Variants in SND1 observed in about 807,000 individuals in gnomAD.
The protein encoded by SND1 is staphylococcal nuclease domain-containing protein 1.
Under a neutral mutation model 121.7 loss-of-function variants are expected in SND1, and 38 were observed. The observed-to-expected ratio is 0.31, with a 90% CI of 0.24 to 0.41. The LOEUF (loss-of-function observed/expected upper bound fraction) is 0.41, where lower values mean the gene tolerates loss of function less well. Ranked by LOEUF, SND1 falls within the 10% of genes least tolerant of loss-of-function variation. SND1 has a pLI of 1.00. For missense variants in SND1, 868 were observed against 1,184.6 expected, an observed-to-expected ratio of 0.73 and a Z score of 3.92; for synonymous variants, 401 against 447.4, an observed-to-expected ratio of 0.90 and a Z score of 1.31.
chr7:128,028,954 C>T (rs1244549875), intron 16 of SND1: 2 of 1,608,020 alleles, frequency 1.2e-6, no homozygotes, highest in South Asian at 1.1e-5. Context: ...ACAGTCCGGG[C>T]GGCTGTGACT....
At chr7:127,732,826 C>T (rs1352952595) in intron 10 of SND1, among the ~76,000 whole-genome samples, 4 of 152,188 alleles carry the variant, frequency 2.6e-5, no homozygotes, top group Admixed American at 2.0e-4. Flanking sequence ...CAAGAAGACA[C>T]CTCACTGATC....
At position 127,709,424 on chromosome 7, in the gene SND1, A is replaced by T. The variant is rs114379342; in HGVS notation, c.1038+1777A>T. 5.8e-3 allele frequency among the ~76,000 whole-genome samples: 882 copies of T among 152,274 alleles called. 12 individuals carry two copies. The highest frequency in any genetic ancestry group is 0.02 in the African/African-American group (840 of 41,554). ...GATCTTAGTACCCTGTCGTGTTCCT[A>T]CCAGCCTGTCCTCTATTAAAACTGA... On this transcript the variant is annotated intron_variant, in intron 9 of 23. Coordinates refer to ENST00000354725, the MANE Select transcript of SND1 (RefSeq NM_014390.4).
chr7:127,859,588 A>G (rs1306606084), intron 12 of SND1, among the ~76,000 whole-genome samples: 1 of 152,160 alleles, frequency 6.6e-6, no homozygotes, highest in Non-Finnish European at 1.5e-5. Flanking sequence ...TTGGCCCTTG[A>G]TTTCTTGAGG....
At chr7:127,788,843 G>A (rs941250687) in intron 10 of SND1, among the ~76,000 whole-genome samples, 4 of 152,162 alleles carry the variant, frequency 2.6e-5, no homozygotes, top group Admixed American at 6.5e-5. Flanking sequence ...GCACATGTCC[G>A]TAGCCAGTGG....
At chr7:128,010,694 C>T (rs1003026209) in intron 16 of SND1, among the ~76,000 whole-genome samples, 4 of 152,224 alleles carry the variant, frequency 2.6e-5, no homozygotes, top group African/African-American at 4.8e-5. Context: ...TCAGAGATGC[C>T]GTAAGAAGGC....
chr7:128,009,132 G>C (rs1803053400), intron 16 of SND1, among the ~76,000 whole-genome samples: 1 of 152,174 alleles, frequency 6.6e-6, no homozygotes, highest in Non-Finnish European at 1.5e-5. Flanking sequence ...CCCCTGGTGA[G>C]GGGCTTGGAA....
intron 17 of SND1, among the ~76,000 whole-genome samples, chr7:128,079,328 C>A (rs1355724216): frequency 6.6e-6 from 1 of 152,258 alleles, no homozygotes; most frequent in African/African-American, 2.4e-5. Flanking sequence ...GGATTAGGGC[C>A]TCTGTCCTGA....
intron 10 of SND1, among the ~76,000 whole-genome samples, chr7:127,750,564 T>G (rs1172040016): frequency 6.6e-6 from 1 of 152,230 alleles, no homozygotes; most frequent in African/African-American, 2.4e-5. Flanking sequence ...TGAGTATTCC[T>G]TATCTGAAAT....
intron 15 of SND1, among the ~76,000 whole-genome samples, chr7:127,975,332 GGCGCGCGCGCATGT>G (rs923231026): frequency 4.6e-5 from 7 of 152,006 alleles, no homozygotes; most frequent in Non-Finnish European, 7.4e-5. Flanking sequence ...TGTATGTGTG[GGCGCGCGCGCATGT>G]GCGCACGCGC....
At chr7:127,973,232 C>G (rs1157423873) in intron 15 of SND1, among the ~76,000 whole-genome samples, 3 of 152,130 alleles carry the variant, frequency 2.0e-5, no homozygotes, top group African/African-American at 7.2e-5. Flanking sequence ...GTTTTGACAA[C>G]TTGGATGTTA....
intron 11 of SND1, among the ~76,000 whole-genome samples, chr7:127,833,024 CCCTGGTGCCAAAAGGG>C (rs1798791937): frequency 6.6e-6 from 1 of 152,124 alleles, no homozygotes; most frequent in Non-Finnish European, 1.5e-5. Context: ...CAAAATCGGT[CCCTGGTGCCAAAAGGG>C]TTGGGGACCA....
chr7:127,912,508 G>T (rs1221863476), intron 14 of SND1, among the ~76,000 whole-genome samples: 2 of 152,110 alleles, frequency 1.3e-5, no homozygotes, highest in African/African-American at 4.8e-5. Flanking sequence ...TAAGAGAAAT[G>T]ATTTCAAACT....
At chr7:127,734,681 A>G (rs1796742026) in intron 10 of SND1, among the ~76,000 whole-genome samples, 1 of 152,134 alleles carries the variant, frequency 6.6e-6, no homozygotes, top group African/African-American at 2.4e-5. Flanking sequence ...CTGGCACCCT[A>G]ACACAGTGTG....
intron 14 of SND1, chr7:127,928,188 T>G (rs1800880566): frequency 6.6e-6 from 1 of 152,228 alleles, no homozygotes; most frequent in African/African-American, 2.4e-5. Flanking sequence ...CCAAAAAAGG[T>G]TTTTAAACTG....
At chr7:127,719,865 G>GT (rs1270471075) in intron 9 of SND1, among the ~76,000 whole-genome samples, 3 of 152,178 alleles carry the variant, frequency 2.0e-5, no homozygotes, top group Non-Finnish European at 2.9e-5. Flanking sequence ...TGTCATCTTT[G>GT]TTTTTTCATT....
At chr7:128,019,727 TGAA>T (rs1408981682) in intron 16 of SND1, among the ~76,000 whole-genome samples, 32 of 152,246 alleles carry the variant, frequency 2.1e-4, no homozygotes, top group Admixed American at 2.0e-3. Flanking sequence ...GAAACCATCA[TGAA>T]GAAGACAAAT....
intron 12 of SND1, among the ~76,000 whole-genome samples, chr7:127,873,787 A>T (rs986961805): frequency 3.3e-5 from 5 of 152,176 alleles, no homozygotes; most frequent in Admixed American, 6.6e-5. Context: ...TTGGGACTAT[A>T]GGCACATGCC....
intron 1 of SND1, among the ~76,000 whole-genome samples, chr7:127,659,920 G>A (rs1288234544): frequency 6.6e-6 from 1 of 152,016 alleles, no homozygotes; most frequent in African/African-American, 2.4e-5. Flanking sequence ...ATTTAGGCAT[G>A]CTGAAACAAA....
At chr7:128,016,517 G>A (rs968599241) in intron 16 of SND1, among the ~76,000 whole-genome samples, 1 of 152,186 alleles carries the variant, frequency 6.6e-6, no homozygotes, top group Non-Finnish European at 1.5e-5. Flanking sequence ...AGTGGGCATG[G>A]GGCCGTGTGG....
Sources: gnomAD v4.1 joint callset for allele counts (sites outside exome capture counted in the v4.1 genomes callset) on GRCh38, gnomAD v4.1.1 for gene constraint, MANE v1.5 for transcripts, NCBI Gene and HGNC (gene_info 2026-07-23, HGNC 2026-07-21) for gene names.